GABRA2: variants seen among roughly 807,000 people sequenced by gnomAD.
The protein encoded by GABRA2 is gamma-aminobutyric acid type A receptor subunit alpha2, also known as gamma-aminobutyric acid receptor subunit alpha-2.
In GABRA2, 16 loss-of-function variants were observed where a neutral mutation model predicts 48.7. The ratio of observed to expected loss-of-function variants is 0.33; its 90% CI spans 0.22 to 0.50. The LOEUF (loss-of-function observed/expected upper bound fraction) is 0.50, where lower values mean the gene tolerates loss of function less well. Ranked by LOEUF, GABRA2 falls within the 20% of genes least tolerant of loss-of-function variation. The pLI, the probability that GABRA2 is intolerant of heterozygous loss-of-function variation, is 0.98. For synonymous variants in GABRA2, 185 were observed against 184.5 expected, an observed-to-expected ratio of 1.00 and a Z score of -0.02; for missense variants, 275 against 535.6, an observed-to-expected ratio of 0.51 and a Z score of 4.80.
intron 9 of GABRA2, among the ~76,000 whole-genome samples, chr4:46,259,028 T>C (rs2109338900): frequency 6.6e-6 from 1 of 151,922 alleles, no homozygotes; most frequent in East Asian, 1.9e-4. Flanking sequence ...GTTTTCTTCC[T>C]GGTAAATTAA....
intron 3 of GABRA2, among the ~76,000 whole-genome samples, chr4:46,370,400 C>G (rs143821773): frequency 6.6e-6 from 1 of 151,700 alleles, no homozygotes; most frequent in African/African-American, 2.4e-5. Context: ...AGGGACAAAA[C>G]AAACAAACAA....
intron 4 of GABRA2, among the ~76,000 whole-genome samples, chr4:46,324,690 T>G (rs955077375): frequency 6.6e-6 from 1 of 151,854 alleles, no homozygotes; most frequent in African/African-American, 2.4e-5. Flanking sequence ...GTGAACACAG[T>G]ATCCATAGGT....
intron 8 of GABRA2, among the ~76,000 whole-genome samples, chr4:46,295,970 C>T (rs1011031523): frequency 6.6e-6 from 1 of 152,164 alleles, no homozygotes; most frequent in African/African-American, 2.4e-5. Context: ...ATAAGTGAGA[C>T]AGTGGGTTCA....
intron 3 of GABRA2, among the ~76,000 whole-genome samples, chr4:46,379,304 A>C (rs1716431172): frequency 1.3e-5 from 2 of 152,218 alleles, no homozygotes; most frequent in African/African-American, 4.8e-5. Flanking sequence ...GCAAAATTCA[A>C]GAAACTGACT....
chr4:46,368,131 C>T (rs1714328512), intron 3 of GABRA2: 2 of 152,116 alleles, frequency 1.3e-5, no homozygotes, highest in African/African-American at 4.8e-5. Flanking sequence ...ACATGCCATC[C>T]AACCTCAGTG....
At chr4:46,294,972 A>G (rs1471103835) in intron 8 of GABRA2, among the ~76,000 whole-genome samples, 4 of 152,190 alleles carry the variant, frequency 2.6e-5, no homozygotes, top group Admixed American at 6.5e-5. Flanking sequence ...AGTAAATTAC[A>G]TGAGGAAGTG....
intron 8 of GABRA2, among the ~76,000 whole-genome samples, chr4:46,290,779 C>T (rs1197895849): frequency 6.6e-6 from 1 of 152,056 alleles, no homozygotes; most frequent in Non-Finnish European, 1.5e-5. Flanking sequence ...TCAGAAATGT[C>T]ACTTCTCTAA....
At chr4:46,367,760 C>A (rs890487576) in intron 3 of GABRA2, 6 of 152,112 alleles carry the variant, frequency 3.9e-5, no homozygotes, top group Non-Finnish European at 8.8e-5. Context: ...CCTGTGTCAC[C>A]AAACAGTTTG....
rs1052786073 is a variant in GABRA2 at position 46,246,840 on chromosome 4, T to C, written c.*3468A>G. Among the ~76,000 whole-genome samples the C allele has an allele frequency of 2.0e-5, 3 of 151,240 alleles. No individual in the cohort carries two copies. Among genetic ancestry groups the C allele is most frequent in the Admixed American group, 2.0e-4 (3 of 15,128 alleles). On this transcript the variant is annotated 3_prime_UTR_variant, in exon 10 of 10. Coordinates refer to ENST00000381620, the MANE Select transcript of GABRA2 (RefSeq NM_000807.4). ...ATTATTAATGGATGCCAAAGAACCA[T>C]GATAATGCAGAAGGTGACTTGAGCT... is the stretch of plus-strand genomic sequence containing the variant.
At chr4:46,319,207 T>C (rs1578033034) in intron 4 of GABRA2, among the ~76,000 whole-genome samples, 1 of 151,840 alleles carries the variant, frequency 6.6e-6, no homozygotes, top group Non-Finnish European at 1.5e-5. Context: ...CTTTACTGCC[T>C]GACTACATTA....
At chr4:46,346,405 TAAA>T (rs1005966077) in intron 3 of GABRA2, among the ~76,000 whole-genome samples, 1 of 151,258 alleles carries the variant, frequency 6.6e-6, no homozygotes, top group African/African-American at 2.4e-5. Flanking sequence ...TTAAGAATAA[TAAA>T]AAAAACTCGG....
intron 4 of GABRA2, among the ~76,000 whole-genome samples, chr4:46,330,585 TATATATAGAG>T (rs1731169132): frequency 1.7e-5 from 2 of 117,650 alleles, no homozygotes; most frequent in African/African-American, 5.9e-5. Context: ...TATATATATA[TATATATAGAG>T]AGAGAGAGAG....
intron 8 of GABRA2, among the ~76,000 whole-genome samples, chr4:46,269,405 G>A (rs1241805697): frequency 6.6e-6 from 1 of 151,784 alleles, no homozygotes; most frequent in Non-Finnish European, 1.5e-5. Context: ...AGCCAGAGTG[G>A]CAAATTGGCC....
At chr4:46,307,245 A>G (rs1253740834) in intron 6 of GABRA2, among the ~76,000 whole-genome samples, 2 of 152,042 alleles carry the variant, frequency 1.3e-5, no homozygotes, top group African/African-American at 4.8e-5. Context: ...TTAAACAACA[A>G]CACTACTAAT....
chr4:46,316,488 T>C (rs1024206821), intron 4 of GABRA2, among the ~76,000 whole-genome samples: 36 of 152,052 alleles, frequency 2.4e-4, no homozygotes, highest in Non-Finnish European at 4.9e-4. Flanking sequence ...ATGCTGACAC[T>C]GCCCTAGACT....
At chr4:46,352,979 CTT>C (rs1735388199) in intron 3 of GABRA2, among the ~76,000 whole-genome samples, 1 of 152,078 alleles carries the variant, frequency 6.6e-6, no homozygotes, top group East Asian at 1.9e-4. Context: ...TCTCCATACA[CTT>C]TAAAGTTTCA....
At chr4:46,303,209 C>A in intron 8 of GABRA2, 2 of 449,456 alleles carry the variant, frequency 4.4e-6, no homozygotes, top group Admixed American at 4.0e-5. Context: ...TGTTGAACAG[C>A]AGTATGATTT....
intron 8 of GABRA2, among the ~76,000 whole-genome samples, chr4:46,289,019 C>G (rs749529202): frequency 3.3e-5 from 5 of 151,738 alleles, no homozygotes; most frequent in African/African-American, 7.3e-5. Context: ...CATCTGATAC[C>G]AGTCAAAATG....
chr4:46,347,430 A>G (rs1734328065), intron 3 of GABRA2, among the ~76,000 whole-genome samples: 1 of 151,958 alleles, frequency 6.6e-6, no homozygotes, highest in Admixed American at 6.6e-5. Flanking sequence ...AAGCACAGAA[A>G]TAAACCCACA....
Sources: gnomAD v4.1 joint callset for allele counts (sites outside exome capture counted in the v4.1 genomes callset) on GRCh38, gnomAD v4.1.1 for gene constraint, MANE v1.5 for transcripts, NCBI Gene and HGNC (gene_info 2026-07-23, HGNC 2026-07-21) for gene names.